The following CDHR4 variants were observed in gnomAD, a reference collection of about 807,000 sequenced individuals.
CDHR4 encodes the protein cadherin-related family member 4.
CDHR4 carries 89 observed loss-of-function variants against 88.4 expected under a neutral mutation model. That is an observed-to-expected ratio of 1.01 (90% CI 0.85 to 1.20). The LOEUF is 1.20. Ranked by LOEUF, CDHR4 falls within the 50% of genes most tolerant of loss-of-function variation. The pLI is 0.00. For synonymous variants in CDHR4, 368 were observed against 399.2 expected (o/e 0.92, Z 0.93); for missense variants, 914 against 1,007.2 (o/e 0.91, Z 1.25).
intron 17 of CDHR4, 94 bp downstream of exon 17, chr3:49,791,620 G>T: frequency 6.7e-7 from 1 of 1,485,124 alleles, no homozygotes; most frequent in South Asian, 1.2e-5. Context: ...CCCATTCATC[G>T]GAAAAGGGGC....
chr3:49,799,242 C>A lies in CDHR4; in HGVS notation c.240+5G>T. ...CACAGTCCCCAGCTGTACACATGAC[C>A]CTACCTTGCCCACATAGGTCCCTTG... On this transcript the variant is annotated splice_donor_5th_base_variant and intron_variant, in intron 2 of 18. Coordinates refer to ENST00000412678, the MANE Select transcript of CDHR4 (RefSeq NM_001007540.4). The A allele has an allele frequency of 6.2e-7, 1 of 1,613,248 alleles. No individual in the cohort carries two copies. The highest frequency in any genetic ancestry group is 1.1e-5 in the South Asian group (1 of 90,958).
chr3:49,798,943 A>G lies in CDHR4; in HGVS notation c.404-26T>C, dbSNP rs1055850658. 9 of 1,611,590 alleles carry G rather than the reference A, an allele frequency of 5.6e-6. No homozygotes were observed. The Admixed American group carries it at 8.4e-5, about 15-fold the overall frequency. Reference sequence around the variant, plus strand: ...CTGGCCAGAGTGGAGGTCAGGGAGGATCTGCTCAGGCCATGCCTGCCCCCA... The same window carrying G: ...CTGGCCAGAGTGGAGGTCAGGGAGGGTCTGCTCAGGCCATGCCTGCCCCCA... On this transcript the variant is annotated intron_variant, in intron 3 of 18. Coordinates refer to ENST00000412678, the MANE Select transcript of CDHR4 (RefSeq NM_001007540.4).
intron 9 of CDHR4, 86 bp from the exon 10 acceptor site, chr3:49,794,787 A>ACAAATATCTTGCCTG: frequency 7.0e-7 from 1 of 1,427,374 alleles, no homozygotes; most frequent in South Asian, 1.3e-5. Context: ...CAGGGCATCC[A>ACAAATATCTTGCCTG]CAAATATCTT....
chr3:49,798,805 C>G, intron 4 of CDHR4, 21 bp downstream of exon 4: 1 of 1,609,420 alleles, frequency 6.2e-7, no homozygotes, highest in Non-Finnish European at 8.5e-7. Flanking sequence ...TGTCACCCAC[C>G]GTCCCATGTT....
chr3:49,795,577 C>A lies in CDHR4; in HGVS notation c.847+51G>T. The A allele has an allele frequency of 1.3e-6, 2 of 1,548,948 alleles. No homozygotes were observed. Among genetic ancestry groups the A allele is most frequent in the Non-Finnish European group, 8.7e-7 (1 of 1,145,516 alleles). On this transcript the variant is annotated intron_variant, in intron 7 of 18. Coordinates refer to ENST00000412678, the MANE Select transcript of CDHR4 (RefSeq NM_001007540.4). This position sits in a 1 kb window ranked among gnomAD's most constrained non-coding sequence, Gnocchi z 5.4. Reference sequence around the variant, plus strand: ...AGAGGTACTATGGGTCACCTCTGGACCAGCCACAGAGGCATCCCAGTACCT... The same window carrying A: ...AGAGGTACTATGGGTCACCTCTGGAACAGCCACAGAGGCATCCCAGTACCT...
Position 49,791,037 on chromosome 3 carries a change from C to T in CDHR4, c.2312-150G>A, listed in dbSNP as rs1034489847. ...CGCTGGAATCTAACCTGTCCCCTCC[C>T]TCCCTTCTCAGCAAATTCTCTCAAC... On this transcript the variant is annotated intron_variant, in intron 18 of 18. Coordinates refer to ENST00000412678, the MANE Select transcript of CDHR4 (RefSeq NM_001007540.4). 11 of 644,792 alleles carry T rather than the reference C, an allele frequency of 1.7e-5. No homozygotes were observed. In the Admixed American group the frequency reaches 2.6e-4, roughly 15 times the overall value. 39.9% of individuals were successfully genotyped at this position (644,792 alleles called of 1,614,324 possible).
chr3:49,796,836 C>A (rs1559728337), intron 5 of CDHR4, 86 bp downstream of exon 5: 6 of 1,035,162 alleles, frequency 5.8e-6, no homozygotes, highest in Admixed American at 4.2e-5. Flanking sequence ...GTCAAGGAGG[C>A]CAAGGAGGCC....
At chr3:49,790,961 T>C in intron 18 of CDHR4, 74 bp from the exon 19 acceptor site, 1 of 1,215,916 alleles carries the variant, frequency 8.2e-7, no homozygotes, top group East Asian at 2.6e-5. Context: ...TCCCCCTTAC[T>C]TAAGGGTAGG....
Position 49,794,647 on chromosome 3 carries a change from A to G in CDHR4, c.1240T>C (p.Ser414Pro). 1.3e-6 allele frequency: 2 copies of G among 1,551,314 alleles called. No homozygotes were observed. The highest frequency in any genetic ancestry group is 2.4e-5 in the South Asian group (2 of 84,006). The change falls in exon 10 of 19, where the codon TCC becomes CCC. Residue 414 changes from serine to proline, a missense_variant. Transcript: ENST00000412678. The stretch of plus-strand genomic sequence containing the variant: ...TGGCCACCATCGAGCACCAGGATGG[A>G]GGCTGCATGCTGGAAGCAGGCTCCA... ...TPGACFQHAASILVLDGGQPQ... is the reference protein window; with the variant it reads ...TPGACFQHAAPILVLDGGQPQ...
chr3:49,795,070 G>A lies in CDHR4; in HGVS notation c.1062C>T (p.Gly354=). The change falls in exon 9 of 19, where the codon GGC becomes GGT. Residue 354 remains glycine, a synonymous_variant. Transcript: ENST00000412678. This position sits in a 1 kb window ranked among gnomAD's most constrained non-coding sequence, Gnocchi z 5.4. ...CGCAAGTGAGAGTATTCAGCACGGT[G>A]CCCACGGGTGCAGTCTCCGGGATTT... is the stretch of plus-strand genomic sequence containing the variant. ...VSQIPETAPV[G]TVLNTLTCED... is the part of the protein sequence containing the mutation. 6.4e-7 allele frequency: 1 copy of A among 1,551,698 alleles called. No homozygotes were observed. The highest frequency in any genetic ancestry group is 8.7e-7 in the Non-Finnish European group (1 of 1,147,010).
chr3:49,796,150 A>G, intron 5 of CDHR4, 104 bp from the exon 6 acceptor site: 1 of 721,504 alleles, frequency 1.4e-6, no homozygotes. Context: ...AGGATCTCCA[A>G]AAGGATCTTC....
In CDHR4 at chr3:49,795,766, T is replaced by C. The variant is rs1407151315; in HGVS notation, c.711-2A>G. The C allele has an allele frequency of 1.3e-6, 2 of 1,551,702 alleles. No homozygotes were observed. The highest frequency in any genetic ancestry group is 1.7e-6 in the Non-Finnish European group (2 of 1,146,978). On this transcript the variant is annotated splice_acceptor_variant, in intron 6 of 18. Transcript: ENST00000412678. LOFTEE classifies it high-confidence loss of function. This position sits in a 1 kb window ranked among gnomAD's most constrained non-coding sequence, Gnocchi z 5.4. ...ATGGTGATATTCTGAGCCTGCTCGCTGGACCAAAAGGGGGGCACTGGTTCC... is the reference window on the plus strand; with the variant it reads ...ATGGTGATATTCTGAGCCTGCTCGCCGGACCAAAAGGGGGGCACTGGTTCC...
intron 4 of CDHR4, among the ~76,000 whole-genome samples, chr3:49,797,651 T>G (rs900844650): frequency 1.3e-5 from 2 of 151,902 alleles, no homozygotes; most frequent in Non-Finnish European, 2.9e-5. Context: ...CTGGCTAATT[T>G]TGGTATTTGT....
chr3:49,793,725 A>C lies in CDHR4; in HGVS notation c.1484-3T>G. The C allele has an allele frequency of 6.4e-7, 1 of 1,551,688 alleles. No individual in the cohort carries two copies. The highest frequency in any genetic ancestry group is 1.4e-5 in the African/African-American group (1 of 73,174). The stretch of plus-strand genomic sequence containing the variant: ...AGGTCCCAGGAGGTGAACTTCCCCT[A>C]GAGGGGGAGACCACAGCTTCAGCCT... On this transcript the variant is annotated splice_region_variant and splice_polypyrimidine_tract_variant and intron_variant, in intron 11 of 18. Transcript: ENST00000412678.
rs2081176152 is a variant in CDHR4, at chr3:49,791,325, T to G, written c.2311+116A>C. 1.6e-5 allele frequency: 18 copies of G among 1,158,410 alleles called. 1 individual carries two copies. Among genetic ancestry groups the G allele is most frequent in the Middle Eastern group, 2.0e-4 (1 of 4,916 alleles). The allele number at this position is 1,158,410 out of a possible 1,614,324, so 71.8% of individuals were successfully genotyped here. On this transcript the variant is annotated intron_variant, in intron 18 of 18. Coordinates refer to ENST00000412678, the MANE Select transcript of CDHR4 (RefSeq NM_001007540.4). ...AGACCCCATTCAGGAAAAAAGCAGA[T>G]AGATGGTGGGTTCCTGGGAGTAGGA...
chr3:49,799,644 G>A, intron 1 of CDHR4, 120 bp downstream of exon 1: 3 of 1,159,240 alleles, frequency 2.6e-6, no homozygotes, highest in Non-Finnish European at 3.7e-6. Flanking sequence ...TGAGGGCCAG[G>A]GGTTCAGATT....
At position 49,793,154 on chromosome 3, in the gene CDHR4, C is replaced by T. The variant is rs1475382576; in HGVS notation, c.1774+7G>A. On this transcript the variant is annotated splice_region_variant and intron_variant, in intron 13 of 18. Transcript: ENST00000412678. ...ACTCACAACCTGGTGGTGCCCATGT[C>T]CCCTACCTCCCACGATGCTATAGGA... The T allele has an allele frequency of 6.4e-7, 1 of 1,551,454 alleles. No homozygotes were observed. Among genetic ancestry groups the T allele is most frequent in the Non-Finnish European group, 8.7e-7 (1 of 1,146,844 alleles).
intron 4 of CDHR4, 119 bp downstream of exon 4, chr3:49,798,707 A>C: frequency 4.4e-6 from 4 of 910,708 alleles, no homozygotes; most frequent in Non-Finnish European, 6.7e-6. Context: ...GTAGAGGCTC[A>C]TCTATGCCTC....
At chr3:49,791,345 G>A in intron 18 of CDHR4, 96 bp downstream of exon 18, 1 of 1,336,882 alleles carries the variant, frequency 7.5e-7, no homozygotes, top group Non-Finnish European at 1.0e-6. Flanking sequence ...GTTCCTGGGA[G>A]TAGGAGGAGA....
Sources: allele counts gnomAD v4.1 joint callset (sites outside exome capture counted in the v4.1 genomes callset), GRCh38; gene constraint gnomAD v4.1.1; non-coding constraint Gnocchi (gnomAD v3.1); transcripts MANE v1.5; gene names NCBI Gene and HGNC (gene_info 2026-07-23, HGNC 2026-07-21).